Variants in VPS13B observed in about 807,000 individuals in gnomAD.
The protein encoded by VPS13B is intermembrane lipid transfer protein VPS13B.
Under a neutral mutation model 426.4 loss-of-function variants are expected in VPS13B, and 285 were observed. That is an observed-to-expected ratio of 0.67 (90% CI 0.61 to 0.74). The LOEUF (loss-of-function observed/expected upper bound fraction) is 0.74. VPS13B is among the 30% of genes least tolerant of loss of function. VPS13B has a pLI of 0.00. For synonymous variants in VPS13B, 1,676 were observed against 1,676.4 expected (o/e 1.00, Z 0.01); for missense variants, 4,537 against 4,782.6 (o/e 0.95, Z 1.51).
intron 3 of VPS13B, among the ~76,000 whole-genome samples, chr8:99,075,295 G>C (rs1845059966): frequency 1.3e-5 from 2 of 152,262 alleles, no homozygotes; most frequent in Admixed American, 6.5e-5. Context: ...CTAGCTTCTG[G>C]GGAGGTCTCA....
chr8:99,283,319 A>C (rs1819264717), intron 19 of VPS13B, among the ~76,000 whole-genome samples: 1 of 152,156 alleles, frequency 6.6e-6, no homozygotes, highest in Admixed American at 6.5e-5. Context: ...ATCTTATTAC[A>C]TTTCCTCTTT....
At chr8:99,095,727 A>C (rs946950318) in intron 3 of VPS13B, among the ~76,000 whole-genome samples, 2 of 152,172 alleles carry the variant, frequency 1.3e-5, no homozygotes, top group African/African-American at 4.8e-5. Flanking sequence ...TACAGGGATA[A>C]ATTTCAAAAA....
chr8:99,413,416 A>AT (rs1213960825), intron 21 of VPS13B, among the ~76,000 whole-genome samples: 2 of 151,506 alleles, frequency 1.3e-5, no homozygotes, highest in Non-Finnish European at 2.9e-5. Flanking sequence ...CCCCTTTATC[A>AT]TTTTTTATTG....
At chr8:99,105,570 G>T (rs1237821789) in intron 5 of VPS13B, among the ~76,000 whole-genome samples, 1 of 152,012 alleles carries the variant, frequency 6.6e-6, no homozygotes, top group Non-Finnish European at 1.5e-5. Context: ...GTAGAGACGG[G>T]GTTTCACCAT....
intron 20 of VPS13B, among the ~76,000 whole-genome samples, chr8:99,384,715 C>T (rs1466197444): frequency 6.6e-6 from 1 of 152,190 alleles, no homozygotes; most frequent in African/African-American, 2.4e-5. Context: ...GGCTGAAGTG[C>T]AGTGGCGTGA....
intron 19 of VPS13B, among the ~76,000 whole-genome samples, chr8:99,275,907 C>T (rs1818869891): frequency 6.6e-6 from 1 of 152,104 alleles, no homozygotes; most frequent in Non-Finnish European, 1.5e-5. Context: ...TCAGGGTGTT[C>T]AGTCAATGAA....
chr8:99,020,338 TTTG>T (rs753310644), intron 2 of VPS13B, among the ~76,000 whole-genome samples: 17 of 152,168 alleles, frequency 1.1e-4, no homozygotes, highest in Non-Finnish European at 2.2e-4. Context: ...TTCTTTGTTT[TTTG>T]TTGTTGTTGA....
In VPS13B at chr8:99,224,864, C is replaced by T. The variant is rs560817126; in HGVS notation, c.2515+31807C>T. 7.9e-5 allele frequency among the ~76,000 whole-genome samples: 12 copies of T among 152,248 alleles called. No homozygotes were observed. The East Asian group carries it at 2.3e-3, about 29-fold the overall frequency. On this transcript the variant is annotated intron_variant, in intron 17 of 61. Transcript: ENST00000357162. ...TGTCTCTCTCATTGTGGGAAGCATACAAATAGAAAATTTTCTTAGATTCAA... is the reference window on the plus strand; with the variant it reads ...TGTCTCTCTCATTGTGGGAAGCATATAAATAGAAAATTTTCTTAGATTCAA...
At chr8:99,286,040 C>A (rs1462180239) in intron 19 of VPS13B, among the ~76,000 whole-genome samples, 1 of 152,156 alleles carries the variant, frequency 6.6e-6, no homozygotes, top group South Asian at 2.1e-4. Flanking sequence ...CCTCTCCCCT[C>A]CCTTCCCAAT....
intron 35 of VPS13B, chr8:99,696,569 A>G (rs1832013428): frequency 3.8e-6 from 2 of 531,776 alleles, no homozygotes; most frequent in Admixed American, 5.6e-5. Flanking sequence ...CCAGCATGCC[A>G]GCATCCACGT....
At chr8:99,333,610 G>A (rs1474939875) in intron 19 of VPS13B, among the ~76,000 whole-genome samples, 3 of 151,844 alleles carry the variant, frequency 2.0e-5, no homozygotes, top group African/African-American at 7.2e-5. Flanking sequence ...ATAGTTTCAT[G>A]ACTGTAAGAA....
chr8:99,207,283 T>C (rs1306398449), intron 17 of VPS13B, among the ~76,000 whole-genome samples: 1 of 152,100 alleles, frequency 6.6e-6, no homozygotes, highest in African/African-American at 2.4e-5. Flanking sequence ...CTTTGCACAG[T>C]AGGATATAAA....
chr8:99,600,907 T>C lies in VPS13B; in HGVS notation c.5220+23274T>C, dbSNP rs562496213. 8.9e-4 allele frequency among the ~76,000 whole-genome samples: 135 copies of C among 152,302 alleles called. 1 individual carries two copies. In the South Asian group the frequency reaches 0.027, roughly 31 times the overall value. ...TTGAACTCTTAACCAGCTCACTGTT[T>C]CCTTTATACCCTAAATAAAAATGTT... On this transcript the variant is annotated intron_variant, in intron 33 of 61. Coordinates refer to ENST00000357162, the MANE Select transcript of VPS13B (RefSeq NM_152564.5).
chr8:99,277,960 C>G (rs1786602919), intron 19 of VPS13B, among the ~76,000 whole-genome samples: 1 of 152,092 alleles, frequency 6.6e-6, no homozygotes. Flanking sequence ...GGAATAGAGA[C>G]AGGAATCTTT....
At chr8:99,853,017 C>G (rs1338854895) in intron 55 of VPS13B, among the ~76,000 whole-genome samples, 14 of 152,114 alleles carry the variant, frequency 9.2e-5, no homozygotes, top group African/African-American at 3.4e-4. Flanking sequence ...AAGAGCCAAG[C>G]ATGGACTCAG....
chr8:99,129,909 C>T (rs1291964860), intron 8 of VPS13B, among the ~76,000 whole-genome samples: 8 of 151,246 alleles, frequency 5.3e-5, no homozygotes, highest in South Asian at 4.2e-4. Context: ...CTAACTACTC[C>T]GGAAGCTGAA....
Position 99,275,241 on chromosome 8 carries a change from C to A in VPS13B, c.2811C>A (p.Tyr937Ter), listed in dbSNP as rs1330143562. The part of the protein sequence containing the change: ...FTIQVPQYID[Y>*]CHNSGAVLLC... ...TCCAAGTTCCACAATATATTGACTA[C>A]TGCCACAATTCCGGTAAGTACAAAC... The change falls in exon 19 of 62, where the codon TAC (tyrosine) becomes TAA (stop). Residue 937 changes from tyrosine to a stop codon, truncating the protein, a stop_gained. Coordinates refer to ENST00000357162, the MANE Select transcript of VPS13B (RefSeq NM_152564.5). LOFTEE classifies it high-confidence loss of function. The A allele has an allele frequency of 6.2e-7, 1 of 1,609,168 alleles. No individual in the cohort carries two copies. The highest frequency in any genetic ancestry group is 8.5e-7 in the Non-Finnish European group (1 of 1,178,200).
intron 19 of VPS13B, among the ~76,000 whole-genome samples, chr8:99,381,649 A>G (rs539595781): frequency 6.6e-6 from 1 of 152,172 alleles, no homozygotes; most frequent in South Asian, 2.1e-4. Context: ...CATTTCTCTA[A>G]TGATCAATGA....
At chr8:99,668,664 A>G (rs570250798) in intron 35 of VPS13B, among the ~76,000 whole-genome samples, 9 of 152,158 alleles carry the variant, frequency 5.9e-5, no homozygotes, top group Non-Finnish European at 1.0e-4. Context: ...AAGCTCTCCC[A>G]ACCCCCCACC....
Sources: gnomAD v4.1 joint callset for allele counts (sites outside exome capture counted in the v4.1 genomes callset) on GRCh38, gnomAD v4.1.1 for gene constraint, MANE v1.5 for transcripts, NCBI Gene and HGNC (gene_info 2026-07-23, HGNC 2026-07-21) for gene names.